Variants in HELQ observed in about 807,000 individuals in gnomAD.
HELQ encodes the protein helicase POLQ-like.
HELQ carries 77 observed loss-of-function variants against 111.6 expected under a neutral mutation model. The ratio of observed to expected loss-of-function variants is 0.69; its 90% CI spans 0.57 to 0.83. The LOEUF is 0.83. Among genes scored for constraint, HELQ ranks in the 40% least tolerant of loss-of-function variants. The pLI, the probability that HELQ is intolerant of heterozygous loss-of-function variation, is 0.00. For synonymous variants in HELQ, 438 were observed against 454.7 expected (o/e 0.96, Z 0.47); for missense variants, 1,200 against 1,288.5 (o/e 0.93, Z 1.05).
intron 9 of HELQ, among the ~76,000 whole-genome samples, chr4:83,432,835 C>T (rs71613171): frequency 8.6e-4 from 131 of 151,858 alleles, no homozygotes; most frequent in South Asian, 6.0e-3. Context: ...TTGCTTGAGT[C>T]CAGGAGTTTG....
intron 17 of HELQ, 74 bp downstream of exon 17, chr4:83,416,657 G>T (rs1739375765): frequency 1.4e-6 from 2 of 1,422,222 alleles, no homozygotes; most frequent in Non-Finnish European, 1.9e-6. Flanking sequence ...AAATGTTTTT[G>T]TTCTGATGTC....
intron 2 of HELQ, among the ~76,000 whole-genome samples, chr4:83,452,316 T>C (rs1225067970): frequency 1.3e-5 from 2 of 152,048 alleles, no homozygotes; most frequent in South Asian, 2.1e-4. Flanking sequence ...CTCAAGACAA[T>C]ACTTTTTCCA....
At chr4:83,422,094 C>T (rs920206354) in intron 14 of HELQ, among the ~76,000 whole-genome samples, 5 of 151,910 alleles carry the variant, frequency 3.3e-5, no homozygotes, top group African/African-American at 4.8e-5. Flanking sequence ...GGTGTGGTGG[C>T]GCGCACCTGT....
At chr4:83,414,478 T>C (rs1233809525) in intron 17 of HELQ, among the ~76,000 whole-genome samples, 1 of 152,136 alleles carries the variant, frequency 6.6e-6, no homozygotes, top group African/African-American at 2.4e-5. Flanking sequence ...TGCCTCCTAA[T>C]GATTAGATGC....
chr4:83,452,675 T>C (rs1018889317), intron 2 of HELQ, among the ~76,000 whole-genome samples: 1 of 152,058 alleles, frequency 6.6e-6, no homozygotes. Context: ...ACAGGAGTGG[T>C]TGTAAGGACA....
chr4:83,433,023 G>A (rs1263090336), intron 9 of HELQ, among the ~76,000 whole-genome samples: 1 of 151,870 alleles, frequency 6.6e-6, no homozygotes, highest in African/African-American at 2.4e-5. Flanking sequence ...TTACATCACT[G>A]CACTCCAGCC....
At chr4:83,449,111 C>T in intron 2 of HELQ, 150 bp from the exon 3 acceptor site, 1 of 671,344 alleles carries the variant, frequency 1.5e-6, no homozygotes, top group Non-Finnish European at 2.4e-6. Context: ...TGTCAAAAAT[C>T]CCAAATGTGC....
In HELQ at chr4:83,439,988, CT is replaced by C. The variant is rs1560552678; in HGVS notation, c.1682del (p.Lys561ArgfsTer8). 1 of 1,611,556 alleles carries C rather than the reference CT, an allele frequency of 6.2e-7. No homozygotes were observed. Among genetic ancestry groups the C allele is most frequent in the Non-Finnish European group, 8.5e-7 (1 of 1,178,958 alleles). On this transcript the variant is annotated frameshift_variant, in exon 8 of 18. Coordinates refer to ENST00000295488, the MANE Select transcript of HELQ (RefSeq NM_133636.5). LOFTEE classifies it high-confidence loss of function. ...LNYKYSDTLK[K>X]MDPDHLVALV... ...ATGCTACCAAGTGATCAGGATCCAT[CT>C]TTTTTAGGGTATCAGAATACTGCAA...
chr4:83,411,477 G>A (rs898243901), intron 17 of HELQ, among the ~76,000 whole-genome samples: 3 of 151,274 alleles, frequency 2.0e-5, no homozygotes, highest in Non-Finnish European at 2.9e-5. Flanking sequence ...AGTGGTGCCC[G>A]CCTGTGGTCG....
intron 16 of HELQ, 147 bp from the exon 17 acceptor site, chr4:83,417,012 A>G (rs1739398297): frequency 2.8e-6 from 2 of 706,630 alleles, no homozygotes; most frequent in South Asian, 4.3e-5. Context: ...GAGAATACTG[A>G]GGAATTTTTA....
rs552413630 is a variant in HELQ, at chr4:83,455,235, T to C, written c.297+162A>G. The C allele has an allele frequency of 8.6e-6, 12 of 1,391,954 alleles. No individual in the cohort carries two copies. The East Asian group carries it at 1.2e-4, about 14-fold the overall frequency. The allele number at this position is 1,391,954 out of a possible 1,614,324, so 86.2% of individuals were successfully genotyped here. A position where few individuals can be genotyped will look rare whatever the true frequency, so the allele number is the denominator to read the frequency against. On this transcript the variant is annotated intron_variant, in intron 1 of 17. Transcript: ENST00000295488. ...TGTCTCGGGGTTTACATTTCATATT[T>C]ATATAGAAATGTAAATAACAAGGCA...
intron 12 of HELQ, among the ~76,000 whole-genome samples, chr4:83,428,835 A>G (rs1719982789): frequency 7.1e-6 from 1 of 141,578 alleles, no homozygotes; most frequent in African/African-American, 3.2e-5. Context: ...AATAATATAA[A>G]TGATTATTTG....
At chr4:83,442,025 A>C (rs1476237541) in intron 6 of HELQ, among the ~76,000 whole-genome samples, 1 of 152,206 alleles carries the variant, frequency 6.6e-6, no homozygotes, top group Non-Finnish European at 1.5e-5. Flanking sequence ...ACAGCCTCTC[A>C]AAGTGCTAGG....
In HELQ at chr4:83,453,936, T is replaced by C; in HGVS notation, c.307A>G (p.Ser103Gly). 2 of 1,601,166 alleles carry C rather than the reference T, an allele frequency of 1.2e-6. No homozygotes were observed. The highest frequency in any genetic ancestry group is 1.1e-5 in the South Asian group (1 of 90,448). Residue 103 changes from serine (S) to glycine (G), a missense_variant, in exon 2 of 18, where the codon AGT (serine) becomes GGT (glycine). By Grantham distance (56) the Ser-to-Gly change is moderately conservative. Transcript: ENST00000295488. The stretch of plus-strand genomic sequence containing the variant: ...TAGTCACCAAACATGTCCACTTCAC[T>C]GTCATTAGGCTGCAAAGAGAACAAA... ...DRGVGDQPND[S>G]EVDMFGDYDS...
In HELQ at chr4:83,417,524, C is replaced by T. The variant is rs769436492; in HGVS notation, c.3063+569G>A. On this transcript the variant is annotated intron_variant, in intron 16 of 17. Transcript: ENST00000295488. ...GCCAAGTCCAATATCTTTCAGTGTT[C>T]TCACCATCTACTCAGGGGACCACTG... Among the ~76,000 whole-genome samples, 11 of 152,232 alleles carry T rather than the reference C, an allele frequency of 7.2e-5. 1 individual carries two copies. Among genetic ancestry groups the T allele is most frequent in the Non-Finnish European group, 1.3e-4 (9 of 68,022 alleles).
chr4:83,440,856 C>T (rs575741074), intron 7 of HELQ, among the ~76,000 whole-genome samples: 19 of 152,280 alleles, frequency 1.2e-4, no homozygotes, highest in Admixed American at 2.6e-4. Context: ...TTAATAAATA[C>T]GTACTTCCTC....
Position 83,453,736 on chromosome 4 carries a change from T to C in HELQ, c.507A>G (p.Gln169=). Reference sequence around the variant, plus strand: ...TCTGGTTCTCTGTGTGCTTATCAGTTTGTAATTCAGTAAGGTTGCCTATGG... The same window carrying C: ...TCTGGTTCTCTGTGTGCTTATCAGTCTGTAATTCAGTAAGGTTGCCTATGG... The part of the protein sequence containing the change: ...ITTIGNLTEL[Q]TDKHTENQSG... The change falls in exon 2 of 18, where the codon CAA becomes CAG. Residue 169 remains glutamine, a synonymous_variant. Transcript: ENST00000295488. 6.2e-7 allele frequency: 1 copy of C among 1,614,200 alleles called. No homozygotes were observed. The highest frequency in any genetic ancestry group is 8.5e-7 in the Non-Finnish European group (1 of 1,180,022).
intron 6 of HELQ, 38 bp downstream of exon 6, chr4:83,443,479 C>T (rs767995809): frequency 1.8e-5 from 17 of 921,510 alleles, no homozygotes; most frequent in South Asian, 9.7e-5. Context: ...TAGATGAATA[C>T]GAAACAAATC....
At chr4:83,434,619 T>G (rs115231497) in intron 9 of HELQ, among the ~76,000 whole-genome samples, 10,913 of 151,992 alleles carry the variant, frequency 0.072, 504 homozygotes, top group South Asian at 0.13. Context: ...TATGCCACCA[T>G]GCCCAGCTAA....
Sources: gnomAD v4.1 joint callset for allele counts (sites outside exome capture counted in the v4.1 genomes callset) on GRCh38, gnomAD v4.1.1 for gene constraint, MANE v1.5 for transcripts, NCBI Gene and HGNC (gene_info 2026-07-23, HGNC 2026-07-21) for gene names.